Variants in CLASP1 observed in about 807,000 individuals in gnomAD.
CLASP1 encodes CLIP-associating protein 1.
CLASP1 carries 38 observed loss-of-function variants against 192.3 expected under a neutral mutation model. That is an observed-to-expected ratio of 0.20 (90% CI 0.15 to 0.26). CLASP1 has a LOEUF of 0.26. CLASP1 is among the 10% of genes least tolerant of loss of function. The pLI, the probability that CLASP1 is intolerant of heterozygous loss-of-function variation, is 1.00. For synonymous variants in CLASP1, 691 were observed against 712.8 expected (o/e 0.97, Z 0.49); for missense variants, 1,433 against 1,932.5 (o/e 0.74, Z 4.85).
At chr2:121,615,103 G>A (rs1339158470) in intron 1 of CLASP1, among the ~76,000 whole-genome samples, 1 of 152,196 alleles carries the variant, frequency 6.6e-6, no homozygotes, top group African/African-American at 2.4e-5. Flanking sequence ...ACTTTGGGAG[G>A]CCAAAGTGGG....
At chr2:121,495,445 G>C (rs867502063) in intron 8 of CLASP1, among the ~76,000 whole-genome samples, 29 of 152,314 alleles carry the variant, frequency 1.9e-4, no homozygotes, top group Middle Eastern at 6.8e-3. Flanking sequence ...CAGATTGCCT[G>C]AAGTCAAGAT....
intron 32 of CLASP1, 43 bp from the exon 34 acceptor site, chr2:121,382,367 A>C: frequency 7.9e-7 from 1 of 1,266,466 alleles, no homozygotes; most frequent in Non-Finnish European, 1.1e-6. Flanking sequence ...GAAATACAAA[A>C]AGCAAAGGGG....
chr2:121,445,923 AGGTGGATC>A (rs2084244558), intron 19 of CLASP1, among the ~76,000 whole-genome samples: 1 of 152,226 alleles, frequency 6.6e-6, no homozygotes, highest in African/African-American at 2.4e-5. Context: ...CAAATACTAA[AGGTGGATC>A]TAATATACTA....
intron 9 of CLASP1, among the ~76,000 whole-genome samples, chr2:121,465,644 T>C (rs1182068151): frequency 6.6e-6 from 1 of 151,908 alleles, no homozygotes; most frequent in African/African-American, 2.4e-5. Flanking sequence ...TACCAATGAC[T>C]TTCTTCACAG....
At chr2:121,377,546 C>T (rs775867411) in exon 34 of CLASP1, 2 of 1,602,448 alleles carry the variant, frequency 1.2e-6, no homozygotes, top group South Asian at 1.1e-5. Context: ...TCATTCAGAT[C>T]TTCTTGGCTT....
intron 2 of CLASP1, among the ~76,000 whole-genome samples, chr2:121,576,759 A>C (rs1293244502): frequency 1.3e-5 from 2 of 152,250 alleles, no homozygotes; most frequent in African/African-American, 2.4e-5. Flanking sequence ...TCATGTTCTG[A>C]AAATCTAAGG....
At chr2:121,461,742 G>A (rs1310419941) in intron 10 of CLASP1, among the ~76,000 whole-genome samples, 2 of 152,024 alleles carry the variant, frequency 1.3e-5, no homozygotes, top group Non-Finnish European at 2.9e-5. Flanking sequence ...GTGCAGTGGC[G>A]CAATCTCAAT....
chr2:121,525,911 T>C (rs2094563429), exon 6 of CLASP1: 8 of 1,612,928 alleles, frequency 5.0e-6, no homozygotes, highest in Non-Finnish European at 6.8e-6. Context: ...TTAAAGTCTG[T>C]GCTCCAGAGC....
At chr2:121,378,942 A>G (rs1173019075) in intron 33 of CLASP1, among the ~76,000 whole-genome samples, 1 of 151,208 alleles carries the variant, frequency 6.6e-6, no homozygotes, top group Non-Finnish European at 1.5e-5. Flanking sequence ...CATTTAGTAA[A>G]TACTCTTCCT....
chr2:121,624,702 C>T (rs375757758), intron 1 of CLASP1, among the ~76,000 whole-genome samples: 1 of 152,216 alleles, frequency 6.6e-6, no homozygotes. Flanking sequence ...CAGGCATGAG[C>T]CAGTGCGCCC....
intron 2 of CLASP1, among the ~76,000 whole-genome samples, chr2:121,567,569 G>A (rs1464236177): frequency 6.6e-6 from 1 of 152,220 alleles, no homozygotes; most frequent in African/African-American, 2.4e-5. Context: ...TAACTGGTTG[G>A]CTGTAATGTA....
At chr2:121,453,670 C>T (rs2086029335) in intron 14 of CLASP1, among the ~76,000 whole-genome samples, 1 of 152,192 alleles carries the variant, frequency 6.6e-6, no homozygotes, top group Non-Finnish European at 1.5e-5. Context: ...CTTATTCCTA[C>T]TCATCTTTCA....
At chr2:121,371,068 C>T (rs956858375) in intron 34 of CLASP1, among the ~76,000 whole-genome samples, 2 of 152,116 alleles carry the variant, frequency 1.3e-5, no homozygotes, top group African/African-American at 4.8e-5. Context: ...ACACACTCCC[C>T]TACACACATA....
chr2:121,366,871 T>G (rs2149259445), intron 35 of CLASP1, among the ~76,000 whole-genome samples: 1 of 152,292 alleles, frequency 6.6e-6, no homozygotes, highest in Non-Finnish European at 1.5e-5. Flanking sequence ...TACTCATCAC[T>G]CACTAGTTTA....
chr2:121,531,123 A>AG, intron 2 of CLASP1: 1 of 628,368 alleles, frequency 1.6e-6, no homozygotes. Flanking sequence ...TAGTGTCGCA[A>AG]GTAAAGTTCT....
At chr2:121,385,787 T>C (rs768957127) in intron 32 of CLASP1, among the ~76,000 whole-genome samples, 2 of 152,238 alleles carry the variant, frequency 1.3e-5, no homozygotes, top group Non-Finnish European at 2.9e-5. Flanking sequence ...AAGTTTTCCA[T>C]ATAATTTTCT....
intron 34 of CLASP1, among the ~76,000 whole-genome samples, chr2:121,374,284 A>G (rs964025192): frequency 6.6e-6 from 1 of 152,254 alleles, no homozygotes; most frequent in Non-Finnish European, 1.5e-5. Flanking sequence ...GCCTGTGGGT[A>G]TGCAGAAGGC....
intron 2 of CLASP1, among the ~76,000 whole-genome samples, chr2:121,540,762 G>C (rs11122859): frequency 0.2 from 30,388 of 150,848 alleles, 5,723 homozygotes; most frequent in African/African-American, 0.5. Flanking sequence ...ACTCCAGCCT[G>C]TGCAACAGAG....
At chr2:121,363,068 AG>A in intron 37 of CLASP1, 103 bp downstream of exon 38, 1 of 1,411,758 alleles carries the variant, frequency 7.1e-7, no homozygotes, top group Non-Finnish European at 9.6e-7. Context: ...GTTCCAAGGA[AG>A]GGGCTCTTAA....
Sources: allele counts gnomAD v4.1 joint callset (sites outside exome capture counted in the v4.1 genomes callset), GRCh38; gene constraint gnomAD v4.1.1; transcripts MANE v1.5; gene names NCBI Gene and HGNC (gene_info 2026-07-23, HGNC 2026-07-21).